RYR3: variants seen among roughly 807,000 people sequenced by gnomAD.
RYR3 encodes brain ryanodine receptor-calcium release channel.
Under a neutral mutation model 584.3 loss-of-function variants are expected in RYR3, and 207 were observed. The ratio of observed to expected loss-of-function variants is 0.35; its 90% CI spans 0.32 to 0.40. The LOEUF (loss-of-function observed/expected upper bound fraction) is 0.40. Among genes scored for constraint, RYR3 ranks in the 10% least tolerant of loss-of-function variants. RYR3 has a pLI of 1.00. For synonymous variants in RYR3, 2,416 were observed against 2,248.5 expected (o/e 1.07, Z -2.11); for missense variants, 5,616 against 6,089.2 (o/e 0.92, Z 2.59).
intron 1 of RYR3, among the ~76,000 whole-genome samples, chr15:33,428,261 T>C (rs1247538641): frequency 6.6e-6 from 1 of 152,240 alleles, no homozygotes; most frequent in Non-Finnish European, 1.5e-5. Flanking sequence ...GCTAATTCCA[T>C]ATCAAATGGC....
At chr15:33,766,244 C>T (rs576044517) in intron 60 of RYR3, among the ~76,000 whole-genome samples, 1 of 148,998 alleles carries the variant, frequency 6.7e-6, no homozygotes, top group Non-Finnish European at 1.5e-5. Context: ...GATGGCACCA[C>T]TATACTCCAG....
intron 36 of RYR3, among the ~76,000 whole-genome samples, chr15:33,665,306 G>A (rs1343853791): frequency 1.3e-5 from 2 of 152,176 alleles, no homozygotes; most frequent in Non-Finnish European, 2.9e-5. Context: ...GCTGCAAAAT[G>A]TGGATAATTT....
At chr15:33,657,582 C>G (rs998761763) in intron 32 of RYR3, among the ~76,000 whole-genome samples, 1 of 152,238 alleles carries the variant, frequency 6.6e-6, no homozygotes, top group Non-Finnish European at 1.5e-5. Context: ...TCAGAATTTC[C>G]TATTCATGTC....
chr15:33,513,542 A>T (rs1183956476), intron 3 of RYR3, among the ~76,000 whole-genome samples: 6 of 152,242 alleles, frequency 3.9e-5, no homozygotes, highest in Non-Finnish European at 5.9e-5. Context: ...GAGGGCTGAA[A>T]TGGTTATCTG....
intron 32 of RYR3, 40 bp downstream of exon 32, chr15:33,652,923 G>A: frequency 1.3e-6 from 2 of 1,565,296 alleles, no homozygotes; most frequent in Non-Finnish European, 1.7e-6. Context: ...GCTATCCCAG[G>A]CCTGGTGTTT....
chr15:33,862,000 G>C (rs114058074), intron 102 of RYR3, among the ~76,000 whole-genome samples: 5 of 151,910 alleles, frequency 3.3e-5, no homozygotes, highest in Non-Finnish European at 7.3e-5. Context: ...CTTATTCTAC[G>C]GTAAAGCATT....
At chr15:33,591,388 T>C (rs2059123283) in intron 16 of RYR3, among the ~76,000 whole-genome samples, 1 of 152,250 alleles carries the variant, frequency 6.6e-6, no homozygotes. Flanking sequence ...ACTGTCTTTG[T>C]AATCCTCATA....
At chr15:33,664,423 C>T (rs930190797) in intron 36 of RYR3, among the ~76,000 whole-genome samples, 20 of 151,980 alleles carry the variant, frequency 1.3e-4, no homozygotes, top group Non-Finnish European at 2.4e-4. Context: ...CCATTTTCCC[C>T]GCTGCTCAGT....
chr15:33,344,711 T>C (rs1972233196), intron 1 of RYR3, among the ~76,000 whole-genome samples: 1 of 152,062 alleles, frequency 6.6e-6, no homozygotes, highest in Admixed American at 6.6e-5. Flanking sequence ...GAGAAGACGG[T>C]TTCTTAAAAC....
intron 1 of RYR3, chr15:33,465,656 A>G: frequency 2.0e-6 from 1 of 505,622 alleles, no homozygotes; most frequent in Non-Finnish European, 3.9e-6. Context: ...GGTTTTTAAA[A>G]GACTCTGGCT....
At chr15:33,368,023 G>A (rs1481563940) in intron 1 of RYR3, among the ~76,000 whole-genome samples, 1 of 152,148 alleles carries the variant, frequency 6.6e-6, no homozygotes, top group Non-Finnish European at 1.5e-5. Flanking sequence ...TGGGAAGGAA[G>A]GGGGGAAGCT....
At position 33,834,964 on chromosome 15, in the gene RYR3, G is replaced by T. The variant is rs758525595; in HGVS notation, c.11464-4G>T. 30 of 1,613,326 alleles carry T rather than the reference G, an allele frequency of 1.9e-5. No individual in the cohort carries two copies. The Middle Eastern group carries it at 6.6e-4, about 35-fold the overall frequency. ...GTGACATAAGAATGTCCTCTTCTCT[G>T]CAGGGCCCTTGCATTGGTAATCAAC... On this transcript the variant is annotated splice_polypyrimidine_tract_variant and splice_region_variant and intron_variant, in intron 86 of 103. Coordinates refer to ENST00000634891, the MANE Select transcript of RYR3 (RefSeq NM_001036.6).
At position 33,601,466 on chromosome 15, in the gene RYR3, G is replaced by C; in HGVS notation, c.1836G>C (p.Val612=). ...CSLCLCNGVA[V]RANQNLICDN... ...TCTGTCTCTGCAATGGGGTTGCAGTGAGAGCCAACCAGAATCTGATCTGTG... is the reference window on the plus strand; with the variant it reads ...TCTGTCTCTGCAATGGGGTTGCAGTCAGAGCCAACCAGAATCTGATCTGTG... The change falls in exon 17 of 104, where the codon GTG becomes GTC. Residue 612 remains valine, a synonymous_variant. Coordinates refer to ENST00000634891, the MANE Select transcript of RYR3 (RefSeq NM_001036.6). 6 of 1,613,448 alleles carry C rather than the reference G, an allele frequency of 3.7e-6. No homozygotes were observed. The highest frequency in any genetic ancestry group is 5.1e-6 in the Non-Finnish European group (6 of 1,179,658).
rs66477732 is a variant in RYR3 at position 33,833,002 on chromosome 15, C to CA, written c.11463+1930dup. On this transcript the variant is annotated intron_variant, in intron 86 of 103. Coordinates refer to ENST00000634891, the MANE Select transcript of RYR3 (RefSeq NM_001036.6). The stretch of plus-strand genomic sequence containing the variant: ...CAGCCTGGGCAACAAAACTCTGTCT[C>CA]AAAAAAAAAAAAAAAAAAAGAGCCA... 6.0e-4 allele frequency among the ~76,000 whole-genome samples: 68 copies of CA among 112,630 alleles called. No individual in the cohort carries two copies. In the East Asian group the frequency reaches 6.8e-3, roughly 11 times the overall value. The allele number at this position is 112,630 out of a possible 152,430, so 73.9% of individuals were successfully genotyped here. A position where few individuals can be genotyped will look rare whatever the true frequency, so the allele number is the denominator to read the frequency against.
At chr15:33,563,119 C>A in intron 11 of RYR3, 109 bp downstream of exon 11, 1 of 898,324 alleles carries the variant, frequency 1.1e-6, no homozygotes, top group Non-Finnish European at 1.7e-6. Flanking sequence ...TTACTTCTTA[C>A]TATTCAGAAG....
chr15:33,504,240 T>C, intron 3 of RYR3, among the ~76,000 whole-genome samples: 1 of 152,236 alleles, frequency 6.6e-6, no homozygotes, highest in East Asian at 1.9e-4. Flanking sequence ...CAGAATTGTC[T>C]TGAGTTTCCA....
At chr15:33,707,721 T>C (rs1369624401) in intron 43 of RYR3, among the ~76,000 whole-genome samples, 1 of 152,204 alleles carries the variant, frequency 6.6e-6, no homozygotes, top group Non-Finnish European at 1.5e-5. Context: ...ATAGTCCCTC[T>C]CTGTTCTCTC....
chr15:33,740,046 A>G lies in RYR3; in HGVS notation c.7820+51A>G, dbSNP rs898532407. 2.9e-5 allele frequency: 45 copies of G among 1,531,402 alleles called. No homozygotes were observed. In the African/African-American group the frequency reaches 5.3e-4, roughly 18 times the overall value. 94.9% of individuals were successfully genotyped at this position (1,531,402 alleles called of 1,614,324 possible). On this transcript the variant is annotated intron_variant, in intron 51 of 103. Coordinates refer to ENST00000634891, the MANE Select transcript of RYR3 (RefSeq NM_001036.6). ...GGTGCTGTATTTTGTCCAATAGCCA[A>G]TGTTTTCTTCCAGAGGGTAGCAAGA...
chr15:33,824,963 G>A (rs1351222302), intron 81 of RYR3, among the ~76,000 whole-genome samples: 1 of 152,192 alleles, frequency 6.6e-6, no homozygotes, highest in African/African-American at 2.4e-5. Flanking sequence ...GGCAGTGGCT[G>A]TGACTAGGAA....
Sources: allele counts gnomAD v4.1 joint callset (sites outside exome capture counted in the v4.1 genomes callset), GRCh38; gene constraint gnomAD v4.1.1; transcripts MANE v1.5; gene names NCBI Gene and HGNC (gene_info 2026-07-23, HGNC 2026-07-21).